The following SORCS2 variants were observed in gnomAD, a reference collection of about 807,000 sequenced individuals.
SORCS2 encodes the protein sortilin related VPS10 domain containing receptor 2.
A neutral mutation model predicts 141.6 loss-of-function variants in SORCS2; 100 were observed. The observed-to-expected ratio is 0.71, with a 90% CI of 0.60 to 0.83. The LOEUF is 0.83. Among genes scored for constraint, SORCS2 ranks in the 40% least tolerant of loss-of-function variants. The probability of loss-of-function intolerance (pLI) is 0.00; values close to 1 mark genes in which losing one functional copy is unlikely to be tolerated. For synonymous variants in SORCS2, 789 were observed against 676.9 expected (o/e 1.17, Z -2.57); for missense variants, 1,646 against 1,560.2 (o/e 1.05, Z -0.93).
intron 2 of SORCS2, among the ~76,000 whole-genome samples, chr4:7,508,049 G>A (rs909655970): frequency 1.3e-5 from 2 of 152,122 alleles, no homozygotes; most frequent in African/African-American, 4.8e-5. Context: ...ACAGGTGCAG[G>A]TGTCTGTCCG....
intron 1 of SORCS2, among the ~76,000 whole-genome samples, chr4:7,274,654 C>G (rs1179366443): frequency 6.6e-6 from 1 of 152,194 alleles, no homozygotes; most frequent in Non-Finnish European, 1.5e-5. Flanking sequence ...CCCACCAGGC[C>G]CCACCTCCAA....
In SORCS2 at chr4:7,709,333, G is replaced by A. The variant is rs563394221; in HGVS notation, c.1869-3400G>A. ...CCGTGAATGAGCCTGTCTCTGCAGG[G>A]TGCCAAGCCCTTCGCCCCGGCTGTC... is the stretch of plus-strand genomic sequence containing the variant. On this transcript the variant is annotated intron_variant, in intron 14 of 26. Coordinates refer to ENST00000507866, the MANE Select transcript of SORCS2 (RefSeq NM_020777.3). Among the ~76,000 whole-genome samples the A allele has an allele frequency of 3.3e-5, 5 of 152,322 alleles. 1 individual carries two copies. In the South Asian group the frequency reaches 1.0e-3, roughly 32 times the overall value.
At chr4:7,630,574 A>C (rs1304961993) in intron 3 of SORCS2, among the ~76,000 whole-genome samples, 2 of 152,152 alleles carry the variant, frequency 1.3e-5, no homozygotes, top group Non-Finnish European at 2.9e-5. Context: ...CACGGGAGTG[A>C]CTTTCTCCTG....
Position 7,424,973 on chromosome 4 carries a change from A to G in SORCS2, c.548+28618A>G, listed in dbSNP as rs528246470. The stretch of plus-strand genomic sequence containing the variant: ...TGCCCCGGAGGGCCGCGGGGTCAGC[A>G]GGAAGGTGGAATGGATCCCTGGCCT... On this transcript the variant is annotated intron_variant, in intron 2 of 26. Coordinates refer to ENST00000507866, the MANE Select transcript of SORCS2 (RefSeq NM_020777.3). Among the ~76,000 whole-genome samples the G allele has an allele frequency of 4.6e-5, 7 of 152,332 alleles. No homozygotes were observed. In the East Asian group the frequency reaches 1.4e-3, roughly 29 times the overall value.
chr4:7,375,149 C>A (rs1391957533), intron 1 of SORCS2, among the ~76,000 whole-genome samples: 1 of 152,138 alleles, frequency 6.6e-6, no homozygotes, highest in Non-Finnish European at 1.5e-5. Context: ...CCTGCATCAC[C>A]CTCTCTGGGT....
In SORCS2 at chr4:7,569,673, G is replaced by A. The variant is rs567035383; in HGVS notation, c.648+38044G>A. Among the ~76,000 whole-genome samples the A allele has an allele frequency of 1.3e-4, 20 of 152,304 alleles. No individual in the cohort carries two copies. In the South Asian group the frequency reaches 4.1e-3, roughly 32 times the overall value. On this transcript the variant is annotated intron_variant, in intron 3 of 26. Coordinates refer to ENST00000507866, the MANE Select transcript of SORCS2 (RefSeq NM_020777.3). ...GACTTCGCCATGGGTTTATCAGGAC[G>A]TGGAATCATAAGTCCAGCCACCACA... is the stretch of plus-strand genomic sequence containing the variant.
At chr4:7,264,813 G>A (rs1363398895) in intron 1 of SORCS2, among the ~76,000 whole-genome samples, 2 of 152,180 alleles carry the variant, frequency 1.3e-5, no homozygotes, top group Non-Finnish European at 2.9e-5. Context: ...CAGGGGAGAT[G>A]CACCCTCTCC....
chr4:7,677,618 C>T (rs1471806026), intron 9 of SORCS2, among the ~76,000 whole-genome samples: 1 of 152,210 alleles, frequency 6.6e-6, no homozygotes, highest in Admixed American at 6.5e-5. Flanking sequence ...CCAGTAGACC[C>T]TGGGCAGGCA....
At chr4:7,457,216 C>T (rs1243074385) in intron 2 of SORCS2, among the ~76,000 whole-genome samples, 3 of 152,230 alleles carry the variant, frequency 2.0e-5, no homozygotes, top group Non-Finnish European at 4.4e-5. Flanking sequence ...TCTTCCCAGC[C>T]GCCATGCACT....
In SORCS2 at chr4:7,302,101, C is replaced by T. The variant is rs1041909730; in HGVS notation, c.481-94187C>T. Among the ~76,000 whole-genome samples, 8 of 152,234 alleles carry T rather than the reference C, an allele frequency of 5.3e-5. No homozygotes were observed. In the South Asian group the frequency reaches 6.2e-4, roughly 12 times the overall value. ...TTGCCGGTCTTAGCACTTGATGACA[C>T]GACATTTTATTTTGCTCACTAGTTC... On this transcript the variant is annotated intron_variant, in intron 1 of 26. Transcript: ENST00000507866.
At chr4:7,671,104 A>C (rs1337079706) in intron 8 of SORCS2, among the ~76,000 whole-genome samples, 1 of 152,218 alleles carries the variant, frequency 6.6e-6, no homozygotes, top group East Asian at 1.9e-4. Flanking sequence ...GGCTCAGAAA[A>C]GGCCTAGGAA....
At position 7,277,521 on chromosome 4, in the gene SORCS2, G is replaced by T. The variant is rs555972647; in HGVS notation, c.480+84395G>T. On this transcript the variant is annotated intron_variant, in intron 1 of 26. Coordinates refer to ENST00000507866, the MANE Select transcript of SORCS2 (RefSeq NM_020777.3). ...CTTCTAGGGTCAGCAAGGTCCTTTGGGCTTGGGAATTTCTGGGGTAAGCTA... is the reference window on the plus strand; with the variant it reads ...CTTCTAGGGTCAGCAAGGTCCTTTGTGCTTGGGAATTTCTGGGGTAAGCTA... Among the ~76,000 whole-genome samples, 18 of 152,304 alleles carry T rather than the reference G, an allele frequency of 1.2e-4. No homozygotes were observed. In the South Asian group the frequency reaches 2.1e-3, roughly 18 times the overall value.
intron 1 of SORCS2, among the ~76,000 whole-genome samples, chr4:7,325,574 G>A (rs941165609): frequency 2.0e-5 from 3 of 152,204 alleles, no homozygotes; most frequent in African/African-American, 7.2e-5. Context: ...GGGCAGCTCC[G>A]TGGAACTCAA....
chr4:7,252,715 C>T (rs1005868259), intron 1 of SORCS2, among the ~76,000 whole-genome samples: 2 of 152,218 alleles, frequency 1.3e-5, no homozygotes, highest in African/African-American at 2.4e-5. Flanking sequence ...TTGTGCCGGT[C>T]TGACAGGCGT....
At chr4:7,239,930 A>T (rs182340192) in intron 1 of SORCS2, among the ~76,000 whole-genome samples, 1 of 152,156 alleles carries the variant, frequency 6.6e-6, no homozygotes, top group Non-Finnish European at 1.5e-5. Flanking sequence ...GAAGGGTCGG[A>T]ATCTTGTGCC....
At chr4:7,541,700 C>T (rs909511186) in intron 3 of SORCS2, among the ~76,000 whole-genome samples, 1 of 152,214 alleles carries the variant, frequency 6.6e-6, no homozygotes, top group South Asian at 2.1e-4. Context: ...CATCATGTTG[C>T]AGACCAGAGG....
intron 14 of SORCS2, among the ~76,000 whole-genome samples, chr4:7,706,028 T>C (rs7681782): frequency 0.81 from 91,276 of 112,054 alleles, 37,027 homozygotes; most frequent in South Asian, 0.94. Flanking sequence ...CTGGGCTCTG[T>C]CTGGGCAGGG....
intron 3 of SORCS2, among the ~76,000 whole-genome samples, chr4:7,621,861 G>A (rs891508528): frequency 6.6e-6 from 1 of 152,216 alleles, no homozygotes; most frequent in African/African-American, 2.4e-5. Context: ...CTGGCCTCTG[G>A]GGCGGTGTCC....
At chr4:7,515,924 C>T (rs1732948325) in intron 2 of SORCS2, among the ~76,000 whole-genome samples, 1 of 152,162 alleles carries the variant, frequency 6.6e-6, no homozygotes, top group Non-Finnish European at 1.5e-5. Flanking sequence ...CTTCTCTGGG[C>T]CTGTGTCCTC....
Sources: allele counts gnomAD v4.1 joint callset (sites outside exome capture counted in the v4.1 genomes callset), GRCh38; gene constraint gnomAD v4.1.1; transcripts MANE v1.5; gene names NCBI Gene and HGNC (gene_info 2026-07-23, HGNC 2026-07-21).